EPHA3: variants seen among roughly 807,000 people sequenced by gnomAD.
The protein encoded by EPHA3 is EPH receptor A3, also known as ephrin type-A receptor 3.
A neutral mutation model predicts 107.1 loss-of-function variants in EPHA3; 42 were observed. The observed-to-expected ratio is 0.39, with a 90% CI of 0.31 to 0.51. The LOEUF (loss-of-function observed/expected upper bound fraction) is 0.51, where lower values mean the gene tolerates loss of function less well. Among genes scored for constraint, EPHA3 ranks in the 20% least tolerant of loss-of-function variants. The pLI, the probability that EPHA3 is intolerant of heterozygous loss-of-function variation, is 0.78. For missense variants in EPHA3, 1,183 were observed against 1,211.2 expected (o/e 0.98, Z 0.35); for synonymous variants, 461 against 424.8 (o/e 1.09, Z -1.05).
intron 3 of EPHA3, among the ~76,000 whole-genome samples, chr3:89,263,587 A>G (rs1030865857): frequency 6.6e-6 from 1 of 152,136 alleles, no homozygotes; most frequent in Non-Finnish European, 1.5e-5. Flanking sequence ...CTCGGGCCAG[A>G]TTCATTTCTG....
chr3:89,375,664 G>T (rs116482562), intron 5 of EPHA3, among the ~76,000 whole-genome samples: 1 of 151,836 alleles, frequency 6.6e-6, no homozygotes, highest in East Asian at 1.9e-4. Flanking sequence ...TGCATGAATA[G>T]AAGTGACTCT....
chr3:89,317,225 T>C (rs1706930167), intron 3 of EPHA3, among the ~76,000 whole-genome samples: 2 of 151,918 alleles, frequency 1.3e-5, no homozygotes, highest in Admixed American at 6.6e-5. Context: ...ATTTTTCTCT[T>C]GGTTTGTCAT....
At chr3:89,186,099 ATGTCTAC>A (rs1371528510) in intron 2 of EPHA3, among the ~76,000 whole-genome samples, 2 of 147,230 alleles carry the variant, frequency 1.4e-5, no homozygotes, top group Non-Finnish European at 3.0e-5. Context: ...CAAGTGGTAC[ATGTCTAC>A]TGTTTGTTTC....
At chr3:89,171,763 TA>T (rs1705213823) in intron 2 of EPHA3, among the ~76,000 whole-genome samples, 1 of 152,104 alleles carries the variant, frequency 6.6e-6, no homozygotes, top group Non-Finnish European at 1.5e-5. Context: ...AGACAACACA[TA>T]ACCAGAAAAG....
At chr3:89,469,947 A>C (rs1296079417) in intron 15 of EPHA3, among the ~76,000 whole-genome samples, 2 of 152,174 alleles carry the variant, frequency 1.3e-5, no homozygotes, top group Non-Finnish European at 2.9e-5. Flanking sequence ...TCAAGTATAT[A>C]AGAAAAATAT....
At chr3:89,295,916 A>G (rs1706342118) in intron 3 of EPHA3, among the ~76,000 whole-genome samples, 1 of 152,154 alleles carries the variant, frequency 6.6e-6, no homozygotes, top group South Asian at 2.1e-4. Context: ...AACAACATTC[A>G]TAGCATGTTC....
At chr3:89,423,489 A>T (rs1709393508) in intron 11 of EPHA3, among the ~76,000 whole-genome samples, 1 of 151,386 alleles carries the variant, frequency 6.6e-6, no homozygotes, top group Non-Finnish European at 1.5e-5. Flanking sequence ...TTAAAAGACA[A>T]TACATACGTT....
chr3:89,324,623 TACAC>T (rs1258308058), intron 3 of EPHA3, among the ~76,000 whole-genome samples: 7 of 152,148 alleles, frequency 4.6e-5, no homozygotes, highest in African/African-American at 1.7e-4. Flanking sequence ...TTCTTATACA[TACAC>T]ACTGTGAAAT....
chr3:89,125,208 C>A (rs962345914), intron 1 of EPHA3, among the ~76,000 whole-genome samples: 1 of 151,672 alleles, frequency 6.6e-6, no homozygotes, highest in Non-Finnish European at 1.5e-5. Context: ...ATACATTAAG[C>A]CATTTAAACC....
chr3:89,441,671 A>T (rs535764442), intron 13 of EPHA3, among the ~76,000 whole-genome samples: 1 of 152,280 alleles, frequency 6.6e-6, no homozygotes, highest in South Asian at 2.1e-4. Flanking sequence ...ATGCAATATG[A>T]GCTTGAATTT....
intron 13 of EPHA3, among the ~76,000 whole-genome samples, chr3:89,435,501 T>A (rs1709649642): frequency 6.9e-6 from 1 of 145,658 alleles, no homozygotes; most frequent in African/African-American, 2.5e-5. Flanking sequence ...ATATATACAC[T>A]TTTATATATA....
intron 4 of EPHA3, 29 bp from the exon 5 acceptor site, chr3:89,341,726 T>G: frequency 1.3e-6 from 2 of 1,531,848 alleles, no homozygotes; most frequent in Non-Finnish European, 1.8e-6. Context: ...GAAGTGAGGC[T>G]CATTAATCTT....
At chr3:89,111,821 A>G (rs1323238643) in intron 1 of EPHA3, among the ~76,000 whole-genome samples, 1 of 152,100 alleles carries the variant, frequency 6.6e-6, no homozygotes, top group Non-Finnish European at 1.5e-5. Flanking sequence ...GGATACCTCA[A>G]TCTCTTTATT....
In EPHA3 at chr3:89,424,696, A is replaced by C. The variant is rs568004940; in HGVS notation, c.2075-4410A>C. On this transcript the variant is annotated intron_variant, in intron 11 of 16. Transcript: ENST00000336596. ...AAAGCTTGGAAAGGAGAAAAAAACA[A>C]AACTTTTTATGAAATCAAACAACAT... Among the ~76,000 whole-genome samples the C allele has an allele frequency of 1.1e-4, 17 of 151,586 alleles. No individual in the cohort carries two copies. In the South Asian group the frequency reaches 3.5e-3, roughly 31 times the overall value.
intron 1 of EPHA3, among the ~76,000 whole-genome samples, chr3:89,121,771 A>T (rs1047450286): frequency 7.6e-5 from 11 of 144,278 alleles, no homozygotes; most frequent in African/African-American, 2.8e-4. Flanking sequence ...AAAAAAAAAA[A>T]TTATGCTTGG....
intron 2 of EPHA3, among the ~76,000 whole-genome samples, chr3:89,203,682 C>A (rs1289329739): frequency 1.3e-5 from 2 of 151,998 alleles, no homozygotes; most frequent in African/African-American, 2.4e-5. Flanking sequence ...GAGGCTGAGG[C>A]AGGAGAATGG....
chr3:89,399,725 TG>T (rs1708919023), intron 7 of EPHA3: 7 of 1,204,138 alleles, frequency 5.8e-6, no homozygotes, highest in Middle Eastern at 3.2e-4. Context: ...GAAATGCTTC[TG>T]TTTTTTTTTT....
At chr3:89,274,041 G>T (rs561029258) in intron 3 of EPHA3, among the ~76,000 whole-genome samples, 1 of 151,882 alleles carries the variant, frequency 6.6e-6, no homozygotes, top group Non-Finnish European at 1.5e-5. Context: ...CCTCAGCTGA[G>T]AACATGCATG....
chr3:89,472,535 A>G lies in EPHA3; in HGVS notation c.2762A>G (p.Asn921Ser). 1 of 1,614,162 alleles carries G rather than the reference A, an allele frequency of 6.2e-7. No individual in the cohort carries two copies. Among genetic ancestry groups the G allele is most frequent in the Non-Finnish European group, 8.5e-7 (1 of 1,180,022 alleles). ...TTCCGCACAACAGGTGACTGGCTTA[A>G]TGGTGTCTGGACAGCACACTGCAAG... is the stretch of plus-strand genomic sequence containing the variant. The part of the protein sequence containing the change: ...TTFRTTGDWL[N>S]GVWTAHCKEI... The change falls in exon 16 of 17, where the codon AAT becomes AGT. Residue 921 changes from asparagine (N) to serine (S), a missense_variant. Transcript: ENST00000336596.
Sources: allele counts gnomAD v4.1 joint callset (sites outside exome capture counted in the v4.1 genomes callset), GRCh38; gene constraint gnomAD v4.1.1; transcripts MANE v1.5; gene names NCBI Gene and HGNC (gene_info 2026-07-23, HGNC 2026-07-21).